SMYD4: variants seen among roughly 807,000 people sequenced by gnomAD.
SMYD4 encodes protein-lysine N-methyltransferase SMYD4.
A neutral mutation model predicts 72.8 loss-of-function variants in SMYD4; 68 were observed. The observed-to-expected ratio is 0.93, with a 90% CI of 0.77 to 1.14. SMYD4 has a LOEUF of 1.14. Among genes scored for constraint, SMYD4 ranks in the 50% most tolerant of loss-of-function variants. The probability of loss-of-function intolerance (pLI) is 0.00; values close to 1 mark genes in which losing one functional copy is unlikely to be tolerated. For missense variants in SMYD4, 984 were observed against 1,003.7 expected, an observed-to-expected ratio of 0.98 and a Z score of 0.27; for synonymous variants, 407 against 388.6, an observed-to-expected ratio of 1.05 and a Z score of -0.56.
chr17:1,785,296 G>A (rs1908606807), intron 7 of SMYD4, among the ~76,000 whole-genome samples: 1 of 150,454 alleles, frequency 6.6e-6, no homozygotes, highest in Middle Eastern at 3.4e-3. Context: ...GGTGGTGGCG[G>A]GCGCCTGTAG....
chr17:1,803,933 T>C (rs568330885), intron 4 of SMYD4, among the ~76,000 whole-genome samples: 48 of 150,352 alleles, frequency 3.2e-4, no homozygotes, highest in Admixed American at 8.0e-4. Context: ...TGGAGTGCAG[T>C]GGTGCGATCT....
intron 3 of SMYD4, 138 bp from the exon 4 acceptor site, chr17:1,804,853 T>C: frequency 1.3e-6 from 1 of 757,658 alleles, no homozygotes; most frequent in Non-Finnish European, 2.1e-6. Flanking sequence ...CTTCAGCTTA[T>C]CTTTTAACTA....
rs116105938 is a variant in SMYD4 at position 1,813,483 on chromosome 17, C to T, written c.135-1368G>A. On this transcript the variant is annotated intron_variant, in intron 2 of 10. Coordinates refer to ENST00000305513, the MANE Select transcript of SMYD4 (RefSeq NM_052928.3). ...CCCAGGCTGTAGTGCAGCACTGGCACGATCTCGGCTCACTGCAACCTCCGC... is the reference window on the plus strand; with the variant it reads ...CCCAGGCTGTAGTGCAGCACTGGCATGATCTCGGCTCACTGCAACCTCCGC... Among the ~76,000 whole-genome samples the T allele has an allele frequency of 5.3e-3, 814 of 152,158 alleles. 8 individuals are homozygous for T. The highest frequency in any genetic ancestry group is 0.018 in the African/African-American group (759 of 41,528).
At chr17:1,818,331 G>A (rs187916254) in intron 2 of SMYD4, among the ~76,000 whole-genome samples, 12 of 152,094 alleles carry the variant, frequency 7.9e-5, no homozygotes, top group African/African-American at 2.9e-4. Flanking sequence ...GGACATAATC[G>A]CTTAATACCT....
At chr17:1,783,833 T>C (rs1908506895) in intron 8 of SMYD4, 1 of 339,710 alleles carries the variant, frequency 2.9e-6, no homozygotes, top group Admixed American at 4.6e-5. Flanking sequence ...TCCCATGATG[T>C]CAAGCTCTAA....
rs556785148 is a variant in SMYD4 at position 1,805,245 on chromosome 17, C to T, written c.280-530G>A. The stretch of plus-strand genomic sequence containing the variant: ...CAGCCTGACCAATATGGCAAAACCC[C>T]GTCTCTACTAAAAATACAAAAAAAT... On this transcript the variant is annotated intron_variant, in intron 3 of 10. Coordinates refer to ENST00000305513, the MANE Select transcript of SMYD4 (RefSeq NM_052928.3). Among the ~76,000 whole-genome samples the T allele has an allele frequency of 7.3e-5, 11 of 151,672 alleles. No individual in the cohort carries two copies. The South Asian group carries it at 2.3e-3, about 32-fold the overall frequency.
rs1908711118 is a variant in SMYD4, at chr17:1,786,732, T to A, written c.1884+78A>T. 1.9e-6 allele frequency: 3 copies of A among 1,568,986 alleles called. No homozygotes were observed. The African/African-American group carries it at 4.1e-5, about 21-fold the overall frequency. On this transcript the variant is annotated intron_variant, in intron 7 of 10. Transcript: ENST00000305513. ...TCAGCACTTACAAGTCCCTGATGGC[T>A]TCCTCCTAAACACTGATCACCCTTG...
At chr17:1,828,388 A>T (rs1030066208) in intron 1 of SMYD4, among the ~76,000 whole-genome samples, 7 of 151,884 alleles carry the variant, frequency 4.6e-5, no homozygotes, top group African/African-American at 1.5e-4. Flanking sequence ...ATTTCATTCA[A>T]GGAAGCCTGA....
At chr17:1,794,057 G>GTGTGTA (rs1555575707) in intron 5 of SMYD4, among the ~76,000 whole-genome samples, 1 of 46,796 alleles carries the variant, frequency 2.1e-5, no homozygotes, top group African/African-American at 6.5e-5. Context: ...ATATATGTGT[G>GTGTGTA]TATATATATG....
intron 5 of SMYD4, among the ~76,000 whole-genome samples, chr17:1,798,358 C>A (rs562614485): frequency 1.6e-3 from 238 of 152,132 alleles, no homozygotes; most frequent in Middle Eastern, 6.8e-3. Context: ...TTGACCCACC[C>A]CGGCCTCCCA....
At chr17:1,824,668 G>A (rs1911069236) in intron 2 of SMYD4, among the ~76,000 whole-genome samples, 1 of 152,060 alleles carries the variant, frequency 6.6e-6, no homozygotes, top group Non-Finnish European at 1.5e-5. Context: ...TGCCCAGGCT[G>A]GAGAGCAGTG....
intron 4 of SMYD4, among the ~76,000 whole-genome samples, chr17:1,801,333 G>A (rs981262870): frequency 3.3e-5 from 5 of 151,962 alleles, no homozygotes; most frequent in African/African-American, 1.2e-4. Context: ...CCACCTCCTG[G>A]GTTCACGCCA....
chr17:1,800,516 T>G lies in SMYD4; in HGVS notation c.878A>C (p.Asp293Ala). Reference sequence around the variant, plus strand: ...CTTCAAACATCGGTGACAATAGAGGTCCCCATTGGTGACTCTGGTGTCCCA... The same window carrying G: ...CTTCAAACATCGGTGACAATAGAGGGCCCCATTGGTGACTCTGGTGTCCCA... Reference protein sequence around the residue: ...SKWDTRVTNGDLYCHRCLKHT... With the variant: ...SKWDTRVTNGALYCHRCLKHT... The change falls in exon 5 of 11, where the codon GAC (aspartate) becomes GCC (alanine). Residue 293 changes from aspartate (D) to alanine (A), a missense_variant. Physicochemically the swap from Asp to Ala is moderately radical, Grantham distance 126. Coordinates refer to ENST00000305513, the MANE Select transcript of SMYD4 (RefSeq NM_052928.3). The G allele has an allele frequency of 6.2e-7, 1 of 1,613,994 alleles. No homozygotes were observed. The highest frequency in any genetic ancestry group is 8.5e-7 in the Non-Finnish European group (1 of 1,179,988).
intron 3 of SMYD4, among the ~76,000 whole-genome samples, chr17:1,808,792 A>G (rs1438120432): frequency 6.6e-6 from 1 of 152,208 alleles, no homozygotes; most frequent in African/African-American, 2.4e-5. Flanking sequence ...TTAGCTCTGA[A>G]AAAAGAACTA....
At position 1,787,624 on chromosome 17, in the gene SMYD4, G is replaced by C. The variant is rs1222472480; in HGVS notation, c.1538-20C>G. On this transcript the variant is annotated intron_variant, in intron 5 of 10. Transcript: ENST00000305513. ...TAGGTCCTGAAAGGGCAAGAGGAAA[G>C]AAGGAAAAAGGTGTCAGCACATGAG... 3.2e-6 allele frequency: 5 copies of C among 1,554,072 alleles called. No homozygotes were observed. In the South Asian group the frequency reaches 4.8e-5, roughly 15 times the overall value.
chr17:1,799,834 A>G, intron 5 of SMYD4, 23 bp downstream of exon 5: 1 of 1,528,244 alleles, frequency 6.5e-7, no homozygotes, highest in Non-Finnish European at 8.8e-7. Flanking sequence ...ATTGAAAAGC[A>G]GGAACATCAG....
intron 5 of SMYD4, among the ~76,000 whole-genome samples, chr17:1,789,199 C>T (rs766255073): frequency 6.6e-6 from 1 of 151,772 alleles, no homozygotes; most frequent in Non-Finnish European, 1.5e-5. Context: ...AGTAGCCTGG[C>T]CAAAATGGCA....
At chr17:1,794,116 T>A (rs1219496638) in intron 5 of SMYD4, among the ~76,000 whole-genome samples, 1 of 66,992 alleles carries the variant, frequency 1.5e-5, no homozygotes, top group African/African-American at 6.2e-5. Flanking sequence ...TTTTTTTTTT[T>A]TTTTTTTTTT....
At chr17:1,789,972 G>A (rs1412822591) in intron 5 of SMYD4, among the ~76,000 whole-genome samples, 4 of 152,138 alleles carry the variant, frequency 2.6e-5, no homozygotes, top group Non-Finnish European at 4.4e-5. Context: ...TAAGTGCTTC[G>A]CTGATTTTTG....
Sources: allele counts gnomAD v4.1 joint callset (sites outside exome capture counted in the v4.1 genomes callset), GRCh38; gene constraint gnomAD v4.1.1; transcripts MANE v1.5; gene names NCBI Gene and HGNC (gene_info 2026-07-23, HGNC 2026-07-21).